The following FSTL5 variants were observed in gnomAD, a reference collection of about 807,000 sequenced individuals.
FSTL5 encodes follistatin-related protein 5.
In FSTL5, 62 loss-of-function variants were observed where a neutral mutation model predicts 89.1. The observed-to-expected ratio is 0.70, with a 90% confidence interval of 0.57 to 0.86. The LOEUF (loss-of-function observed/expected upper bound fraction) is 0.86, where lower values mean the gene tolerates loss of function less well. Ranked by LOEUF, FSTL5 falls within the 40% of genes least tolerant of loss-of-function variation. The probability of loss-of-function intolerance (pLI) is 0.00; values close to 1 mark genes in which losing one functional copy is unlikely to be tolerated. For synonymous variants in FSTL5, 383 were observed against 346.2 expected (o/e 1.11, Z -1.18); for missense variants, 1,057 against 1,001.6 (o/e 1.06, Z -0.75).
chr4:161,578,918 T>C (rs1030323613), intron 8 of FSTL5, among the ~76,000 whole-genome samples: 5 of 152,158 alleles, frequency 3.3e-5, no homozygotes, highest in Non-Finnish European at 7.3e-5. Flanking sequence ...AAAAATATCT[T>C]CATACAAACA....
At chr4:161,866,703 GCAAT>G (rs1389552902) in intron 4 of FSTL5, among the ~76,000 whole-genome samples, 1 of 151,304 alleles carries the variant, frequency 6.6e-6, no homozygotes, top group African/African-American at 2.4e-5. Context: ...ATTAAATTTA[GCAAT>G]CAAATTAAAA....
chr4:161,679,011 C>A (rs1437000085), intron 6 of FSTL5, among the ~76,000 whole-genome samples: 1 of 151,562 alleles, frequency 6.6e-6, no homozygotes, highest in African/African-American at 2.4e-5. Flanking sequence ...ATATTAAATT[C>A]TTTATCTTAG....
At chr4:162,011,556 C>T (rs1014596512) in intron 3 of FSTL5, among the ~76,000 whole-genome samples, 3 of 151,698 alleles carry the variant, frequency 2.0e-5, no homozygotes, top group Non-Finnish European at 4.4e-5. Context: ...TGCAGTGGTG[C>T]GATTTTGGCT....
chr4:161,775,862 T>C lies in FSTL5; in HGVS notation c.606+16A>G, dbSNP rs34423160. 3.0e-6 allele frequency: 4 copies of C among 1,319,214 alleles called. No individual in the cohort carries two copies. The highest frequency in any genetic ancestry group is 2.6e-5 in the East Asian group (1 of 39,058). 81.7% of individuals were successfully genotyped at this position (1,319,214 alleles called of 1,614,324 possible). A position where few individuals can be genotyped will look rare whatever the true frequency, so the allele number is the denominator to read the frequency against. ...CTATATTTCAGTAAGTTTGTTAATA[T>C]AGTCACTAATCATACCTGAGTTAGT... On this transcript the variant is annotated intron_variant, in intron 5 of 15. Transcript: ENST00000306100.
intron 8 of FSTL5, among the ~76,000 whole-genome samples, chr4:161,558,658 C>T (rs1732479425): frequency 6.6e-6 from 1 of 151,770 alleles, no homozygotes; most frequent in Admixed American, 6.6e-5. Context: ...ACTGCTATTC[C>T]ACACTATTAG....
chr4:161,507,253 C>A (rs902984447), intron 11 of FSTL5, among the ~76,000 whole-genome samples: 1 of 151,538 alleles, frequency 6.6e-6, no homozygotes, highest in Non-Finnish European at 1.5e-5. Context: ...TAAACTTTGA[C>A]CTCATAACAT....
chr4:162,009,584 C>T (rs1035670001), intron 3 of FSTL5, among the ~76,000 whole-genome samples: 4 of 151,810 alleles, frequency 2.6e-5, no homozygotes, highest in Admixed American at 1.3e-4. Context: ...CTTTAAATTA[C>T]CAGTGGACAA....
chr4:161,765,791 T>A (rs1740972065), intron 5 of FSTL5, among the ~76,000 whole-genome samples: 1 of 151,340 alleles, frequency 6.6e-6, no homozygotes, highest in Non-Finnish European at 1.5e-5. Flanking sequence ...TATTTTATTC[T>A]AATATGCATT....
At chr4:162,085,402 T>C (rs1433465781) in intron 2 of FSTL5, among the ~76,000 whole-genome samples, 1 of 152,092 alleles carries the variant, frequency 6.6e-6, no homozygotes, top group African/African-American at 2.4e-5. Context: ...GAGATTTTTT[T>C]CAATTTCAGT....
chr4:162,027,940 T>C (rs952252451), intron 3 of FSTL5, among the ~76,000 whole-genome samples: 3 of 152,150 alleles, frequency 2.0e-5, no homozygotes, highest in African/African-American at 7.2e-5. Context: ...TAGAATGCAA[T>C]TGCTATGACA....
intron 6 of FSTL5, among the ~76,000 whole-genome samples, chr4:161,708,209 T>C (rs575056240): frequency 6.6e-6 from 1 of 152,000 alleles, no homozygotes; most frequent in South Asian, 2.1e-4. Flanking sequence ...CTCTATCATG[T>C]TTTTTTCACC....
chr4:161,679,753 T>C (rs1197155923), intron 6 of FSTL5, among the ~76,000 whole-genome samples: 1 of 151,884 alleles, frequency 6.6e-6, no homozygotes, highest in Non-Finnish European at 1.5e-5. Context: ...GATCTCTTTC[T>C]TCATTCAGTT....
At chr4:161,666,559 A>T (rs886526806) in intron 6 of FSTL5, among the ~76,000 whole-genome samples, 1 of 152,148 alleles carries the variant, frequency 6.6e-6, no homozygotes, top group Non-Finnish European at 1.5e-5. Flanking sequence ...GCTTAGAGTT[A>T]TGACATAGAA....
intron 15 of FSTL5, among the ~76,000 whole-genome samples, chr4:161,434,849 ACG>A (rs970242946): frequency 1.2e-4 from 18 of 152,242 alleles, no homozygotes; most frequent in Admixed American, 1.0e-3. Context: ...CATCAGAGAA[ACG>A]CAAATCAACA....
Position 162,162,915 on chromosome 4 carries a change from G to A in FSTL5, c.-17+700C>T, listed in dbSNP as rs567251521. ...CATTTACATCCACCTCTAACCTGAGGGGGTTGCAAGGGGATGACATTTGCT... is the reference window on the plus strand; with the variant it reads ...CATTTACATCCACCTCTAACCTGAGAGGGTTGCAAGGGGATGACATTTGCT... On this transcript the variant is annotated intron_variant, in intron 1 of 15. Coordinates refer to ENST00000306100, the MANE Select transcript of FSTL5 (RefSeq NM_020116.5). 8.5e-5 allele frequency among the ~76,000 whole-genome samples: 13 copies of A among 152,266 alleles called. No individual in the cohort carries two copies. The South Asian group carries it at 2.1e-3, about 24-fold the overall frequency.
chr4:161,633,042 T>A (rs1276263986), intron 7 of FSTL5, among the ~76,000 whole-genome samples: 1 of 152,028 alleles, frequency 6.6e-6, no homozygotes, highest in East Asian at 1.9e-4. Context: ...TTATTTAGAA[T>A]GATTGTTTCT....
intron 2 of FSTL5, among the ~76,000 whole-genome samples, chr4:162,034,714 C>A (rs904118266): frequency 1.3e-5 from 2 of 152,030 alleles, no homozygotes; most frequent in African/African-American, 4.8e-5. Flanking sequence ...ATAAACTGAA[C>A]TGCAGAACTG....
intron 3 of FSTL5, among the ~76,000 whole-genome samples, chr4:162,010,170 G>A (rs910383400): frequency 2.0e-5 from 3 of 151,884 alleles, no homozygotes; most frequent in Admixed American, 1.3e-4. Flanking sequence ...AAACAACAAG[G>A]TTGTATCAGG....
intron 2 of FSTL5, among the ~76,000 whole-genome samples, chr4:162,053,435 A>G (rs1001071930): frequency 6.6e-6 from 1 of 151,916 alleles, no homozygotes; most frequent in South Asian, 2.1e-4. Context: ...TCCTAGACTC[A>G]TGCCTCACAA....
Sources: gnomAD v4.1 joint callset for allele counts (sites outside exome capture counted in the v4.1 genomes callset) on GRCh38, gnomAD v4.1.1 for gene constraint, MANE v1.5 for transcripts, NCBI Gene and HGNC (gene_info 2026-07-23, HGNC 2026-07-21) for gene names.